The following SV2C variants were observed in gnomAD, a reference collection of about 807,000 sequenced individuals.
The protein encoded by SV2C is solute carrier family 22 member B3.
A neutral mutation model predicts 79.7 loss-of-function variants in SV2C; 49 were observed. The ratio of observed to expected loss-of-function variants is 0.61; its 90% CI spans 0.49 to 0.78. The LOEUF (loss-of-function observed/expected upper bound fraction) is 0.78. Ranked by LOEUF, SV2C falls within the 30% of genes least tolerant of loss-of-function variation. The probability of loss-of-function intolerance (pLI) is 0.00; values close to 1 mark genes in which losing one functional copy is unlikely to be tolerated. For missense variants in SV2C, 833 were observed against 912.9 expected (o/e 0.91, Z 1.13); for synonymous variants, 334 against 333.2 (o/e 1.00, Z -0.03).
At chr5:75,997,838 G>T in the SV2C span, among the ~76,000 whole-genome samples, 16 of 152,018 alleles carry the variant, frequency 1.1e-4, no homozygotes, top group Admixed American at 2.6e-4. Flanking sequence ...ATCCCATTAC[G>T]GGGTATATAC....
chr5:76,075,530 G>A, the SV2C span: 1 of 169,666 alleles, frequency 5.9e-6, no homozygotes, highest in African/African-American at 2.4e-5. Flanking sequence ...GTCAGAAGAA[G>A]ATGGCAGTGG....
At chr5:76,132,747 G>A (rs1296461279) in intron 2 of SV2C, among the ~76,000 whole-genome samples, 4 of 152,014 alleles carry the variant, frequency 2.6e-5, no homozygotes, top group African/African-American at 9.7e-5. Context: ...GTAAAACTCT[G>A]ACAATTGTGA....
At chr5:76,315,056 G>A (rs1748572651) in intron 12 of SV2C, among the ~76,000 whole-genome samples, 1 of 152,116 alleles carries the variant, frequency 6.6e-6, no homozygotes, top group African/African-American at 2.4e-5. Context: ...GAGATAAAGG[G>A]CTACTTGGGA....
chr5:76,066,883 ATTTGGAGTCT>A, the SV2C span, among the ~76,000 whole-genome samples: 9 of 151,286 alleles, frequency 5.9e-5, no homozygotes, highest in Non-Finnish European at 1.0e-4. Flanking sequence ...ATCCATAGTC[ATTTGGAGTCT>A]TACAGCTATG....
downstream of SV2C, among the ~76,000 whole-genome samples, chr5:76,336,144 G>A (rs566888472): frequency 0.015 from 1,995 of 134,648 alleles, 50 homozygotes; most frequent in African/African-American, 0.051. Flanking sequence ...CTGGCCTGGC[G>A]GGGGCTGACC....
At chr5:76,156,848 G>A (rs1158257087) in intron 2 of SV2C, among the ~76,000 whole-genome samples, 1 of 151,882 alleles carries the variant, frequency 6.6e-6, no homozygotes, top group East Asian at 1.9e-4. Flanking sequence ...CTAGAAGAAA[G>A]ATTGACAGAG....
At chr5:75,868,986 TGTG>T in the SV2C span, among the ~76,000 whole-genome samples, 1 of 152,166 alleles carries the variant, frequency 6.6e-6, no homozygotes, top group Non-Finnish European at 1.5e-5. Flanking sequence ...CATTCCCAAA[TGTG>T]GTGTGTGGTG....
chr5:76,011,005 C>A, the SV2C span, among the ~76,000 whole-genome samples: 1 of 152,148 alleles, frequency 6.6e-6, no homozygotes, highest in Non-Finnish European at 1.5e-5. Context: ...TTTCAAAGAG[C>A]ACACTTGTGA....
At chr5:76,278,035 A>G (rs1276658072) in intron 4 of SV2C, among the ~76,000 whole-genome samples, 2 of 152,246 alleles carry the variant, frequency 1.3e-5, no homozygotes, top group Non-Finnish European at 2.9e-5. Context: ...TATGAAGATA[A>G]TACAAACTTA....
intron 4 of SV2C, among the ~76,000 whole-genome samples, chr5:76,239,706 C>A (rs528816831): frequency 6.6e-6 from 1 of 152,164 alleles, no homozygotes; most frequent in African/African-American, 2.4e-5. Context: ...AAGGTTAGCA[C>A]CCCCTAACCC....
chr5:76,279,758 A>C (rs528193117), intron 4 of SV2C, among the ~76,000 whole-genome samples: 1 of 152,224 alleles, frequency 6.6e-6, no homozygotes, highest in East Asian at 1.9e-4. Flanking sequence ...AGCCTGTGGG[A>C]GTGGAGGAAG....
At chr5:76,057,952 A>G in the SV2C span, among the ~76,000 whole-genome samples, 1 of 152,146 alleles carries the variant, frequency 6.6e-6, no homozygotes, top group South Asian at 2.1e-4. Flanking sequence ...TTATTTGACA[A>G]TGATGTACTT....
intron 2 of SV2C, among the ~76,000 whole-genome samples, chr5:76,174,582 A>G (rs751207307): frequency 5.3e-5 from 8 of 152,242 alleles, no homozygotes; most frequent in Non-Finnish European, 1.2e-4. Flanking sequence ...GGAATCACCA[A>G]GCTTGTCTGT....
the SV2C span, among the ~76,000 whole-genome samples, chr5:75,984,928 T>C: frequency 6.6e-6 from 1 of 152,060 alleles, no homozygotes; most frequent in African/African-American, 2.4e-5. Flanking sequence ...CATCTTTACC[T>C]TCACAGCAGC....
chr5:76,147,210 T>C (rs922270746), intron 2 of SV2C, among the ~76,000 whole-genome samples: 4 of 152,204 alleles, frequency 2.6e-5, no homozygotes, highest in African/African-American at 9.7e-5. Flanking sequence ...ATGGAAAATT[T>C]TCTGCTACAT....
At chr5:75,911,344 A>G in the SV2C span, 3 of 1,308,124 alleles carry the variant, frequency 2.3e-6, no homozygotes, top group Non-Finnish European at 3.3e-6. Context: ...AGTCCTCCAA[A>G]CCCGCACAGA....
At chr5:76,339,501 T>A (rs1162276806) in intron 12 of SV2C, among the ~76,000 whole-genome samples, 1 of 152,044 alleles carries the variant, frequency 6.6e-6, no homozygotes, top group Admixed American at 6.6e-5. Flanking sequence ...GATCACGAGG[T>A]CAGGAGATCG....
intron 12 of SV2C, among the ~76,000 whole-genome samples, chr5:76,320,605 C>A (rs1748797374): frequency 6.6e-6 from 1 of 152,044 alleles, no homozygotes; most frequent in Non-Finnish European, 1.5e-5. Context: ...TAAAAAACAG[C>A]AAAAAGACAG....
chr5:76,228,148 G>A (rs971789518), intron 4 of SV2C, among the ~76,000 whole-genome samples: 9 of 151,888 alleles, frequency 5.9e-5, no homozygotes, highest in Admixed American at 2.6e-4. Context: ...GGCTGCTCAA[G>A]GGATCCAGAC....
Sources: allele counts gnomAD v4.1 joint callset (sites outside exome capture counted in the v4.1 genomes callset), GRCh38; gene constraint gnomAD v4.1.1; transcripts MANE v1.5; gene names NCBI Gene and HGNC (gene_info 2026-07-23, HGNC 2026-07-21).